CEP63: variants seen among roughly 807,000 people sequenced by gnomAD.
CEP63 encodes centrosomal protein 63.
Under a neutral mutation model 89.1 loss-of-function variants are expected in CEP63, and 84 were observed. The observed-to-expected ratio is 0.94, with a 90% CI of 0.79 to 1.13. The LOEUF (loss-of-function observed/expected upper bound fraction) is 1.13, where lower values mean the gene tolerates loss of function less well. Ranked by LOEUF, CEP63 falls within the 50% of genes most tolerant of loss-of-function variation. CEP63 has a pLI of 0.00. For missense variants in CEP63, 838 were observed against 813.3 expected, an observed-to-expected ratio of 1.03 and a Z score of -0.37; for synonymous variants, 267 against 272.5, an observed-to-expected ratio of 0.98 and a Z score of 0.20.
the CEP63 span, among the ~76,000 whole-genome samples, chr3:134,593,325 A>G: frequency 6.6e-6 from 1 of 152,108 alleles, no homozygotes; most frequent in African/African-American, 2.4e-5. Context: ...TGTGCCCGGG[A>G]CTTTTCTAGT....
chr3:134,745,576 C>T, the CEP63 span, among the ~76,000 whole-genome samples: 42 of 152,168 alleles, frequency 2.8e-4, no homozygotes, highest in South Asian at 6.8e-3. Flanking sequence ...GGTACATGTG[C>T]GCAACGTGCA....
the CEP63 span, among the ~76,000 whole-genome samples, chr3:134,627,512 T>C: frequency 1.3e-5 from 2 of 152,212 alleles, no homozygotes; most frequent in Non-Finnish European, 2.9e-5. Context: ...TGGTCTGCCT[T>C]GTTATTGGTG....
chr3:134,488,819 A>G (rs1461279984), intron 1 of CEP63, among the ~76,000 whole-genome samples: 1 of 152,116 alleles, frequency 6.6e-6, no homozygotes, highest in East Asian at 1.9e-4. Context: ...TATTGTAGCC[A>G]CCAGCCAGCA....
At chr3:134,765,923 C>T in the CEP63 span, among the ~76,000 whole-genome samples, 1 of 152,204 alleles carries the variant, frequency 6.6e-6, no homozygotes, top group Non-Finnish European at 1.5e-5. Context: ...ACAGTGCCTG[C>T]AGCACAGAAT....
the CEP63 span, among the ~76,000 whole-genome samples, chr3:134,774,719 G>A: frequency 6.6e-6 from 1 of 152,126 alleles, no homozygotes; most frequent in African/African-American, 2.4e-5. Context: ...GGGTCAGTAT[G>A]GCATCGAATA....
chr3:134,561,334 T>C (rs752211491), intron 14 of CEP63, 43 bp from the exon 15 acceptor site: 18 of 1,506,268 alleles, frequency 1.2e-5, no homozygotes, highest in Non-Finnish European at 9.2e-7. Flanking sequence ...AGAAATATAA[T>C]ATTCTACTTA....
At chr3:134,729,331 C>G in the CEP63 span, among the ~76,000 whole-genome samples, 1 of 152,170 alleles carries the variant, frequency 6.6e-6, no homozygotes, top group Non-Finnish European at 1.5e-5. Context: ...TTCTCCCTTT[C>G]TTATACAAAA....
the CEP63 span, among the ~76,000 whole-genome samples, chr3:134,735,491 G>A: frequency 7.2e-5 from 11 of 152,174 alleles, no homozygotes; most frequent in South Asian, 2.1e-4. Flanking sequence ...AAAAAGCCCC[G>A]AAATGTGAAA....
At chr3:134,583,130 G>T (rs1214373932) in intron 10 of CEP63, among the ~76,000 whole-genome samples, 1 of 152,130 alleles carries the variant, frequency 6.6e-6, no homozygotes, top group East Asian at 1.9e-4. Flanking sequence ...TCTATAGGTT[G>T]CCTGTTGACT....
chr3:134,634,083 C>T, the CEP63 span, among the ~76,000 whole-genome samples: 1 of 152,096 alleles, frequency 6.6e-6, no homozygotes, highest in Non-Finnish European at 1.5e-5. Context: ...ATACTGAAAA[C>T]TCCAAAATAT....
At chr3:134,690,743 A>ATTTTTTTTTTTTTTTTTTTTTTTTTTTTT in the CEP63 span, among the ~76,000 whole-genome samples, 3 of 120,800 alleles carry the variant, frequency 2.5e-5, no homozygotes, top group African/African-American at 1.0e-4. Flanking sequence ...GAAGACCAAG[A>ATTTTTTTTTTTTTTTTTTTTTTTTTTTTT]TTTTTTTTTT....
At chr3:134,513,101 A>G (rs1945374878) in intron 3 of CEP63, among the ~76,000 whole-genome samples, 1 of 152,070 alleles carries the variant, frequency 6.6e-6, no homozygotes, top group Non-Finnish European at 1.5e-5. Flanking sequence ...GGAGCTTGCC[A>G]TTCTCCACCG....
At chr3:134,578,577 A>G (rs1577511565), downstream of CEP63, among the ~76,000 whole-genome samples, 1 of 151,894 alleles carries the variant, frequency 6.6e-6, no homozygotes, top group South Asian at 2.1e-4. Context: ...TGATCTGCCC[A>G]CCTTGGCCTC....
chr3:134,735,426 A>AGACAGCAGTTTAACACCATGCTTAGT, the CEP63 span, among the ~76,000 whole-genome samples: 1 of 152,170 alleles, frequency 6.6e-6, no homozygotes, highest in Admixed American at 6.5e-5. Flanking sequence ...TAGGAACACT[A>AGACAGCAGTTTAACACCATGCTTAGT]GACAGCAGTT....
Position 134,558,294 on chromosome 3 carries a change from G to A in CEP63, c.1620G>A (p.Arg540=), listed in dbSNP as rs140668390. 7.2e-4 allele frequency: 1,160 copies of A among 1,613,808 alleles called. 3 individuals carry two copies. Among genetic ancestry groups the A allele is most frequent in the Middle Eastern group, 5.4e-3 (33 of 6,058 alleles). ...AGATGTGCAAAAAACAAAATGACAGGATCTTTAAACCAACACACAGCAGAA... is the reference window on the plus strand; with the variant it reads ...AGATGTGCAAAAAACAAAATGACAGAATCTTTAAACCAACACACAGCAGAA... ...STQMCKKQND[R]IFKPTHSRTT... is the part of the protein sequence containing the mutation. Residue 540 remains arginine, a synonymous_variant, in exon 13 of 15, where the codon AGG becomes AGA. Transcript: ENST00000675561.
chr3:134,690,005 A>ATTAGTT, the CEP63 span, among the ~76,000 whole-genome samples: 1 of 152,224 alleles, frequency 6.6e-6, no homozygotes, highest in Non-Finnish European at 1.5e-5. Flanking sequence ...AGTTATTTAC[A>ATTAGTT]ATTTATAAAC....
the CEP63 span, among the ~76,000 whole-genome samples, chr3:134,686,389 G>A: frequency 1.3e-5 from 2 of 152,288 alleles, no homozygotes; most frequent in Non-Finnish European, 2.9e-5. Context: ...TTTCTGGGCC[G>A]GGAGGGGCTG....
chr3:134,738,966 T>TA, the CEP63 span, among the ~76,000 whole-genome samples: 33,583 of 146,470 alleles, frequency 0.23, 4,025 homozygotes, highest in South Asian at 0.41. Flanking sequence ...ATGGCTATAA[T>TA]AAAAAAAAAA....
the CEP63 span, chr3:134,650,900 C>T: frequency 1.9e-6 from 3 of 1,613,224 alleles, no homozygotes; most frequent in Admixed American, 1.7e-5. Flanking sequence ...CGCCGCTTCT[C>T]CGAGTGCACG....
Sources: allele counts gnomAD v4.1 joint callset (sites outside exome capture counted in the v4.1 genomes callset), GRCh38; gene constraint gnomAD v4.1.1; transcripts MANE v1.5; gene names NCBI Gene and HGNC (gene_info 2026-07-23, HGNC 2026-07-21).